CORO2B: variants seen among roughly 807,000 people sequenced by gnomAD.
CORO2B encodes coronin-2B.
Under a neutral mutation model 58.8 loss-of-function variants are expected in CORO2B, and 26 were observed. The ratio of observed to expected loss-of-function variants is 0.44; its 90% CI spans 0.32 to 0.61. The LOEUF (loss-of-function observed/expected upper bound fraction) is 0.61. Ranked by LOEUF, CORO2B falls within the 20% of genes least tolerant of loss-of-function variation. The pLI is 0.04. For synonymous variants in CORO2B, 242 were observed against 253.8 expected (o/e 0.95, Z 0.44); for missense variants, 460 against 645.1 (o/e 0.71, Z 3.11).
chr15:68,646,411 C>A (rs997008074), intron 2 of CORO2B, among the ~76,000 whole-genome samples: 4 of 152,156 alleles, frequency 2.6e-5, no homozygotes, highest in Non-Finnish European at 4.4e-5. Flanking sequence ...TGGAAGGAAG[C>A]CTTGGTTCTC....
chr15:68,545,631 C>T, the CORO2B span, among the ~76,000 whole-genome samples: 4 of 131,044 alleles, frequency 3.1e-5, no homozygotes, highest in African/African-American at 8.8e-5. Flanking sequence ...TAATACTGGG[C>T]GAGGGGGACT....
chr15:68,672,942 G>T (rs1321380975), intron 2 of CORO2B, among the ~76,000 whole-genome samples: 1 of 152,166 alleles, frequency 6.6e-6, no homozygotes, highest in African/African-American at 2.4e-5. Context: ...GCCTAATGGG[G>T]GGTACCAGGG....
the CORO2B span, among the ~76,000 whole-genome samples, chr15:68,556,759 C>T: frequency 6.6e-6 from 1 of 152,198 alleles, no homozygotes; most frequent in Admixed American, 6.5e-5. Context: ...CAGGACCTGA[C>T]TCGTGACTGT....
At chr15:68,640,734 T>C (rs914545166) in intron 1 of CORO2B, among the ~76,000 whole-genome samples, 3 of 152,126 alleles carry the variant, frequency 2.0e-5, no homozygotes, top group Non-Finnish European at 4.4e-5. Context: ...GCTAAGGAAA[T>C]TGCCGTCCTT....
the CORO2B span, among the ~76,000 whole-genome samples, chr15:68,534,773 G>C: frequency 1.3e-5 from 2 of 152,180 alleles, no homozygotes; most frequent in African/African-American, 4.8e-5. Flanking sequence ...CCAAGACTGG[G>C]TAATTTATAA....
At chr15:68,581,665 C>T (rs1899428641) in intron 1 of CORO2B, among the ~76,000 whole-genome samples, 1 of 151,884 alleles carries the variant, frequency 6.6e-6, no homozygotes, top group South Asian at 2.1e-4. Context: ...AGAAAGTCAC[C>T]TCTGATGGAG....
At chr15:68,586,783 A>G (rs1344455279) in intron 1 of CORO2B, among the ~76,000 whole-genome samples, 1 of 152,016 alleles carries the variant, frequency 6.6e-6, no homozygotes, top group Non-Finnish European at 1.5e-5. Flanking sequence ...GACCCAGGCA[A>G]GGGGGTGTGG....
At chr15:68,523,720 C>T in the CORO2B span, among the ~76,000 whole-genome samples, 1 of 152,160 alleles carries the variant, frequency 6.6e-6, no homozygotes. Flanking sequence ...TGTTCCTCTG[C>T]TCTATCAGAT....
intron 11 of CORO2B, among the ~76,000 whole-genome samples, chr15:68,725,352 A>T (rs34822749): frequency 0.19 from 28,867 of 152,026 alleles, 2,856 homozygotes; most frequent in Middle Eastern, 0.23. Context: ...CTGGGCGACA[A>T]AGCGAGACTT....
chr15:68,724,667 C>T (rs1893249755), intron 11 of CORO2B, among the ~76,000 whole-genome samples: 1 of 152,170 alleles, frequency 6.6e-6, no homozygotes, highest in Non-Finnish European at 1.5e-5. Flanking sequence ...TTTATAGAAA[C>T]AACAACTCTC....
chr15:68,713,258 G>T (rs962417851), intron 5 of CORO2B, among the ~76,000 whole-genome samples: 1 of 152,164 alleles, frequency 6.6e-6, no homozygotes, highest in African/African-American at 2.4e-5. Context: ...TCTTCCGATA[G>T]ATATTGTTAT....
At chr15:68,561,569 C>T in the CORO2B span, among the ~76,000 whole-genome samples, 2 of 152,156 alleles carry the variant, frequency 1.3e-5, no homozygotes, top group Non-Finnish European at 2.9e-5. Context: ...GGGAGGCAGA[C>T]AGCTGGGTGG....
chr15:68,543,245 C>A, the CORO2B span, among the ~76,000 whole-genome samples: 1 of 152,132 alleles, frequency 6.6e-6, no homozygotes, highest in African/African-American at 2.4e-5. Flanking sequence ...AAGTCATGTC[C>A]CCTCTGGAGC....
At chr15:68,619,740 T>C (rs1175747995) in intron 1 of CORO2B, among the ~76,000 whole-genome samples, 1 of 151,410 alleles carries the variant, frequency 6.6e-6, no homozygotes, top group Non-Finnish European at 1.5e-5. Context: ...TACATATATA[T>C]GAGTGCGTGC....
At chr15:68,637,764 G>C (rs893845) in intron 1 of CORO2B, among the ~76,000 whole-genome samples, 101,810 of 152,110 alleles carry the variant, frequency 0.67, 35,038 homozygotes, top group African/African-American at 0.83. Context: ...TTACACAGCT[G>C]TTTCCCAGGG....
intron 1 of CORO2B, among the ~76,000 whole-genome samples, chr15:68,619,823 G>A (rs1186391373): frequency 6.6e-6 from 1 of 152,058 alleles, no homozygotes; most frequent in African/African-American, 2.4e-5. Context: ...TAAACTCTAG[G>A]TCTTTCCTTG....
the CORO2B span, among the ~76,000 whole-genome samples, chr15:68,534,320 A>G: frequency 6.6e-6 from 1 of 150,434 alleles, no homozygotes; most frequent in South Asian, 2.1e-4. Context: ...ACACACTTGC[A>G]TACACACATG....
rs75390190 is a variant in CORO2B, at chr15:68,625,256, C to T, written c.16-19904C>T. ...TTTCTCTATCTAGAATGGAGACAAA[C>T]GTGTCTTCAGCTAATTTTTTTTTTT... On this transcript the variant is annotated intron_variant, in intron 1 of 11. Coordinates refer to ENST00000261861, the MANE Select transcript of CORO2B (RefSeq NM_006091.5). 3.7e-3 allele frequency among the ~76,000 whole-genome samples: 552 copies of T among 151,230 alleles called. 13 individuals are homozygous for T. Among genetic ancestry groups the T allele is most frequent in the East Asian group, 0.031 (161 of 5,158 alleles).
intron 2 of CORO2B, among the ~76,000 whole-genome samples, chr15:68,663,125 T>C (rs1343827352): frequency 6.6e-6 from 1 of 152,254 alleles, no homozygotes; most frequent in African/African-American, 2.4e-5. Context: ...CAATCTTTTT[T>C]ACACGAAGAT....
Sources: gnomAD v4.1 joint callset for allele counts (sites outside exome capture counted in the v4.1 genomes callset) on GRCh38, gnomAD v4.1.1 for gene constraint, MANE v1.5 for transcripts, NCBI Gene and HGNC (gene_info 2026-07-23, HGNC 2026-07-21) for gene names.